Variants in ABCG1 observed in about 807,000 individuals in gnomAD.
The protein encoded by ABCG1 is ATP-binding cassette sub-family G member 1.
Under a neutral mutation model 69.2 loss-of-function variants are expected in ABCG1, and 29 were observed. The observed-to-expected ratio is 0.42, with a 90% confidence interval of 0.31 to 0.57. ABCG1 has a LOEUF of 0.57. ABCG1 is among the 20% of genes least tolerant of loss of function. ABCG1 has a pLI of 0.15. For missense variants in ABCG1, 718 were observed against 898.1 expected (o/e 0.80, Z 2.56); for synonymous variants, 370 against 374.8 (o/e 0.99, Z 0.15).
In ABCG1 at chr21:42,219,393, A is replaced by ACC; in HGVS notation, c.42+92_42+93dup. ...CAAAGACTCGCAAGCTCGACCTGAC[A>ACC]CCCCTCCCAGGAGCGCGTCCTCTGG... On this transcript the variant is annotated intron_variant, in intron 1 of 14. Coordinates refer to ENST00000398449, the MANE Select transcript of ABCG1 (RefSeq NM_016818.3). This position sits in a 1 kb window ranked among gnomAD's most constrained non-coding sequence, Gnocchi z 5.3. The ACC allele has an allele frequency of 6.6e-7, 1 of 1,520,548 alleles. No individual in the cohort carries two copies. The highest frequency in any genetic ancestry group is 1.2e-5 in the South Asian group (1 of 83,426). The allele number at this position is 1,520,548 out of a possible 1,614,324, so 94.2% of individuals were successfully genotyped here.
At chr21:42,258,568 A>G (rs191142343) in intron 2 of ABCG1, among the ~76,000 whole-genome samples, 1 of 151,064 alleles carries the variant, frequency 6.6e-6, no homozygotes, top group East Asian at 2.0e-4. Context: ...GTTGCCTTGA[A>G]CATGTTCCCT....
intron 13 of ABCG1, among the ~76,000 whole-genome samples, chr21:42,292,718 C>CGG (rs2069091081): frequency 6.7e-6 from 1 of 148,910 alleles, no homozygotes; most frequent in African/African-American, 2.5e-5. Flanking sequence ...ACACTACACA[C>CGG]TACACACCAC....
At chr21:42,258,236 C>T (rs1193707011) in intron 2 of ABCG1, among the ~76,000 whole-genome samples, 1 of 151,744 alleles carries the variant, frequency 6.6e-6, no homozygotes, top group African/African-American at 2.4e-5. Context: ...CCAACCATCC[C>T]TCCATCTGTT....
chr21:42,293,234 CCA>C lies in ABCG1; in HGVS notation c.1654-1298_1654-1297del, dbSNP rs1472902489. On this transcript the variant is annotated intron_variant, in intron 13 of 14. Transcript: ENST00000398449. ...GCATACACACACTACACACTACACA[CCA>C]CACACACACCACACTACACACCATA... 1.2e-4 allele frequency among the ~76,000 whole-genome samples: 17 copies of C among 138,430 alleles called. 1 individual carries two copies. Among genetic ancestry groups the C allele is most frequent in the East Asian group, 4.4e-4 (2 of 4,528 alleles). The allele number at this position is 138,430 out of a possible 152,430, so 90.8% of individuals were successfully genotyped here. A position where few individuals can be genotyped will look rare whatever the true frequency, so the allele number is the denominator to read the frequency against.
chr21:42,293,891 C>A lies in ABCG1; in HGVS notation c.1654-651C>A, dbSNP rs369996934. Reference sequence around the variant, plus strand: ...CACACCACACCACACACCACACACTCCACACCACACACCACACACCGCAGA... The same window carrying A: ...CACACCACACCACACACCACACACTACACACCACACACCACACACCGCAGA... On this transcript the variant is annotated intron_variant, in intron 13 of 14. Transcript: ENST00000398449. 6.7e-3 allele frequency among the ~76,000 whole-genome samples: 1,004 copies of A among 148,990 alleles called. 14 individuals carry two copies. The highest frequency in any genetic ancestry group is 0.023 in the African/African-American group (930 of 40,540).
chr21:42,247,834 T>C (rs967178698), intron 2 of ABCG1, among the ~76,000 whole-genome samples: 2 of 151,966 alleles, frequency 1.3e-5, no homozygotes, highest in Admixed American at 6.5e-5. Flanking sequence ...GACAGCCCCA[T>C]GAAGATGGAG....
chr21:42,287,892 T>C lies in ABCG1; in HGVS notation c.977T>C (p.Met326Thr). Residue 326 changes from methionine to threonine, a missense_variant, in exon 9 of 15, where the codon ATG becomes ACG. Coordinates refer to ENST00000398449, the MANE Select transcript of ABCG1 (RefSeq NM_016818.3). The surrounding 1 kb of genome is among the most constrained non-coding windows in gnomAD (Gnocchi z 6.2). ...PTYHNPADFV[M>T]EVASGEYGDQ... ...CCCCCGTCTGTGTCTCCTGCAGTCA[T>C]GGAGGTTGCATCCGGCGAGTACGGT... The C allele has an allele frequency of 1.3e-6, 2 of 1,582,226 alleles. No homozygotes were observed. Among genetic ancestry groups the C allele is most frequent in the South Asian group, 1.1e-5 (1 of 87,086 alleles).
intron 2 of ABCG1, chr21:42,256,614 C>G (rs915401171): frequency 6.6e-7 from 1 of 1,506,162 alleles, no homozygotes; most frequent in South Asian, 1.3e-5. Context: ...TTTACAGGCA[C>G]AGGTCAGCTC....
In ABCG1 at chr21:42,294,597, T is replaced by C; in HGVS notation, c.1709T>C (p.Phe570Ser). ...ATCCCGGTGCTCCTGTTCTCGGGGT[T>C]CTTCGTCAGCTTCGACACCATCCCC... ...TAIPVLLFSG[F>S]FVSFDTIPTY... Residue 570 changes from phenylalanine (F) to serine (S), a missense_variant, in exon 14 of 15, where the codon TTC becomes TCC. By Grantham distance (155) the Phe-to-Ser change is radical. This residue lies in a region of ABCG1 where 204 missense variants were observed against 323.8 expected (regional missense o/e 0.63). Transcript: ENST00000398449. The C allele has an allele frequency of 6.2e-7, 1 of 1,614,200 alleles. No homozygotes were observed. The highest frequency in any genetic ancestry group is 1.1e-5 in the South Asian group (1 of 91,086).
At chr21:42,269,609 G>A (rs529025356) in intron 2 of ABCG1, among the ~76,000 whole-genome samples, 3 of 152,328 alleles carry the variant, frequency 2.0e-5, no homozygotes, top group African/African-American at 7.2e-5. Flanking sequence ...CGCCCTGTCT[G>A]TAATGAGTGG....
At chr21:42,201,618 C>G in exon 2 of ABCG1, 1 of 1,569,462 alleles carries the variant, frequency 6.4e-7, no homozygotes, top group Non-Finnish European at 8.6e-7. Flanking sequence ...ACCTAAGATT[C>G]AGCCCCGTGC....
intron 2 of ABCG1, among the ~76,000 whole-genome samples, chr21:42,247,729 A>T (rs993287463): frequency 3.9e-5 from 6 of 152,372 alleles, no homozygotes; most frequent in Non-Finnish European, 5.9e-5. Flanking sequence ...CCGGATTAGG[A>T]TGGATTCAAA....
intron 1 of ABCG1, among the ~76,000 whole-genome samples, chr21:42,223,358 C>T (rs1473422167): frequency 3.3e-5 from 5 of 152,152 alleles, no homozygotes; most frequent in African/African-American, 4.8e-5. Flanking sequence ...GTCTGTGTTG[C>T]GTTAGATATC....
upstream of ABCG1, among the ~76,000 whole-genome samples, chr21:42,217,240 G>A (rs1285475048): frequency 2.0e-5 from 3 of 152,216 alleles, no homozygotes; most frequent in African/African-American, 7.2e-5. Context: ...GGGGGTAGAA[G>A]AGGGGGAATG....
At chr21:42,232,016 G>T (rs879912644) in intron 2 of ABCG1, among the ~76,000 whole-genome samples, 1 of 152,150 alleles carries the variant, frequency 6.6e-6, no homozygotes, top group Non-Finnish European at 1.5e-5. Context: ...TCTCTTCCCC[G>T]CTGGGGCCAG....
Position 42,282,310 on chromosome 21 carries a change from T to C in ABCG1, c.625T>C (p.Cys209Arg). 2 of 1,613,094 alleles carry C rather than the reference T, an allele frequency of 1.2e-6. No homozygotes were observed. The highest frequency in any genetic ancestry group is 1.7e-6 in the Non-Finnish European group (2 of 1,180,018). Residue 209 changes from cysteine to arginine, a missense_variant, in exon 6 of 15, where the codon TGC (cysteine) becomes CGC (arginine). Physicochemically the swap from Cys to Arg is radical, Grantham distance 180 (BLOSUM62 -3). Coordinates refer to ENST00000398449, the MANE Select transcript of ABCG1 (RefSeq NM_016818.3). ...ACTGACAGCGCTGGGCTTGCTGTCT[T>C]GCGCCAACACGCGGACCGGGAGCCT... ...EILTALGLLSCANTRTGSLSG... is the reference protein window; with the variant it reads ...EILTALGLLSRANTRTGSLSG...
intron 2 of ABCG1, among the ~76,000 whole-genome samples, chr21:42,226,787 TA>T (rs1471665702): frequency 1.3e-5 from 2 of 152,220 alleles, no homozygotes; most frequent in Non-Finnish European, 2.9e-5. Flanking sequence ...CCATGGTCCC[TA>T]GTTTCTACTG....
chr21:42,294,251 G>A lies in ABCG1; in HGVS notation c.1654-291G>A, dbSNP rs529752107. The stretch of plus-strand genomic sequence containing the variant: ...GAGGAGCAGACGGCAGTCTGTTGAG[G>A]AGGGTGTGTCCCCACCTCTCTGGCC... On this transcript the variant is annotated intron_variant, in intron 13 of 14. Coordinates refer to ENST00000398449, the MANE Select transcript of ABCG1 (RefSeq NM_016818.3). Among the ~76,000 whole-genome samples the A allele has an allele frequency of 2.0e-5, 3 of 152,312 alleles. No homozygotes were observed. The South Asian group carries it at 6.2e-4, about 32-fold the overall frequency.
chr21:42,259,462 G>A, intron 2 of ABCG1: 1 of 1,548,990 alleles, frequency 6.5e-7, no homozygotes, highest in Non-Finnish European at 8.7e-7. Flanking sequence ...GGCCTACAGG[G>A]CTCAAGCATT....
Sources: gnomAD v4.1 joint callset for allele counts (sites outside exome capture counted in the v4.1 genomes callset) on GRCh38, gnomAD v4.1.1 for gene constraint, gnomAD v4.1.1 regional missense constraint, Gnocchi (gnomAD v3.1) non-coding constraint, MANE v1.5 for transcripts, NCBI Gene and HGNC (gene_info 2026-07-23, HGNC 2026-07-21) for gene names.